Variants in COL5A2 observed in about 807,000 individuals in gnomAD.
COL5A2 encodes the protein collagen type V alpha 2 chain, also known as collagen alpha-2(V) chain.
Under a neutral mutation model 208.2 loss-of-function variants are expected in COL5A2, and 23 were observed. The observed-to-expected ratio is 0.11, with a 90% CI of 0.08 to 0.16. COL5A2 has a LOEUF of 0.16. COL5A2 is among the 10% of genes least tolerant of loss of function. The pLI is 1.00. For synonymous variants in COL5A2, 625 were observed against 628.5 expected (o/e 0.99, Z 0.08); for missense variants, 1,590 against 1,956.4 (o/e 0.81, Z 3.53).
At chr2:189,090,169 A>G (rs1370816123) in intron 7 of COL5A2, among the ~76,000 whole-genome samples, 1 of 152,230 alleles carries the variant, frequency 6.6e-6, no homozygotes, top group Non-Finnish European at 1.5e-5. Flanking sequence ...CACAAATAAT[A>G]AGAAAGTAAA....
the COL5A2 span, among the ~76,000 whole-genome samples, chr2:189,375,481 T>C: frequency 4.6e-5 from 7 of 152,226 alleles, no homozygotes; most frequent in Admixed American, 6.5e-5. Context: ...ATGGGGACAA[T>C]GGCTGCTTCT....
chr2:189,151,212 G>A (rs533040818), intron 1 of COL5A2, among the ~76,000 whole-genome samples: 67 of 152,164 alleles, frequency 4.4e-4, no homozygotes, highest in Admixed American at 1.4e-3. Flanking sequence ...ATGAACTCAT[G>A]CCCTTCACCC....
At chr2:189,322,473 C>G in the COL5A2 span, among the ~76,000 whole-genome samples, 2 of 151,900 alleles carry the variant, frequency 1.3e-5, no homozygotes, top group Non-Finnish European at 2.9e-5. Context: ...CAAACAGACG[C>G]AATAAAAATG....
At chr2:189,423,113 C>T in the COL5A2 span, among the ~76,000 whole-genome samples, 1 of 149,202 alleles carries the variant, frequency 6.7e-6, no homozygotes, top group African/African-American at 2.5e-5. Context: ...GGGTCAATGA[C>T]AAAATTAAAA....
chr2:189,148,312 T>C (rs1375339237), intron 1 of COL5A2, among the ~76,000 whole-genome samples: 1 of 152,068 alleles, frequency 6.6e-6, no homozygotes, highest in East Asian at 1.9e-4. Flanking sequence ...AGTCATAATA[T>C]GGGCAGGTTA....
chr2:189,323,981 C>T, the COL5A2 span, among the ~76,000 whole-genome samples: 130 of 152,288 alleles, frequency 8.5e-4, no homozygotes, highest in Admixed American at 4.3e-3. Context: ...GAGATACAGA[C>T]CAGTGGAACA....
the COL5A2 span, among the ~76,000 whole-genome samples, chr2:189,337,785 T>C: frequency 6.7e-6 from 1 of 148,860 alleles, no homozygotes; most frequent in African/African-American, 2.5e-5. Context: ...AGCCAACAGA[T>C]CCTGCCAATA....
the COL5A2 span, among the ~76,000 whole-genome samples, chr2:189,398,919 AT>A: frequency 1.3e-5 from 2 of 152,186 alleles, no homozygotes; most frequent in African/African-American, 2.4e-5. Flanking sequence ...AGCAATCTTA[AT>A]TTTTTTAAGT....
chr2:189,066,828 A>G lies in COL5A2; in HGVS notation c.1402-46T>C, dbSNP rs137868678. On this transcript the variant is annotated intron_variant, in intron 21 of 53. Transcript: ENST00000374866. ...TTTGTAAGAACCAGGACATTTAGCT[A>G]GTCCAATCTGCTCAAATTAGTTACA... 6.0e-3 allele frequency: 8,536 copies of G among 1,424,256 alleles called. 39 individuals are homozygous for G. The highest frequency in any genetic ancestry group is 7.4e-3 in the Non-Finnish European group (7,431 of 1,007,012). The allele number at this position is 1,424,256 out of a possible 1,614,324, so 88.2% of individuals were successfully genotyped here.
At chr2:189,074,328 C>T (rs146631023) in intron 17 of COL5A2, among the ~76,000 whole-genome samples, 1 of 152,092 alleles carries the variant, frequency 6.6e-6, no homozygotes, top group Non-Finnish European at 1.5e-5. Context: ...TTCAGATTTT[C>T]ATCTTCAAGC....
the COL5A2 span, among the ~76,000 whole-genome samples, chr2:189,294,072 A>G: frequency 1.4e-5 from 2 of 146,014 alleles, no homozygotes; most frequent in Non-Finnish European, 3.0e-5. Flanking sequence ...TGGGCGACAG[A>G]GCGAGACTCC....
intron 1 of COL5A2, among the ~76,000 whole-genome samples, chr2:189,162,633 T>C (rs527992110): frequency 1.3e-5 from 2 of 152,322 alleles, no homozygotes; most frequent in Admixed American, 6.5e-5. Flanking sequence ...ATCCCTGATT[T>C]AAACATACAT....
the COL5A2 span, among the ~76,000 whole-genome samples, chr2:189,297,353 ACT>A: frequency 1.3e-5 from 2 of 152,080 alleles, no homozygotes; most frequent in African/African-American, 2.4e-5. Flanking sequence ...ATTTTTTAAA[ACT>A]CTAAAATGAG....
chr2:189,378,965 T>C, the COL5A2 span, among the ~76,000 whole-genome samples: 8 of 152,182 alleles, frequency 5.3e-5, no homozygotes, highest in South Asian at 1.7e-3. Context: ...TCAGTGAAGA[T>C]GATTATACAT....
chr2:189,268,382 T>A, the COL5A2 span, among the ~76,000 whole-genome samples: 1 of 152,160 alleles, frequency 6.6e-6, no homozygotes, highest in Non-Finnish European at 1.5e-5. Context: ...GTGGCAGAAG[T>A]TTAAATTGTT....
chr2:189,165,502 G>C (rs887641017), intron 1 of COL5A2, among the ~76,000 whole-genome samples: 1 of 152,114 alleles, frequency 6.6e-6, no homozygotes, highest in Non-Finnish European at 1.5e-5. Flanking sequence ...TTAGTTATTG[G>C]AGGAAAAGTC....
the COL5A2 span, among the ~76,000 whole-genome samples, chr2:189,400,452 A>G: frequency 6.6e-6 from 1 of 152,262 alleles, no homozygotes; most frequent in Admixed American, 6.5e-5. Context: ...GCTACCCATT[A>G]ACTTTTTTCA....
intron 1 of COL5A2, among the ~76,000 whole-genome samples, chr2:189,192,988 C>T (rs57865785): frequency 1.2e-4 from 18 of 152,284 alleles, no homozygotes; most frequent in South Asian, 1.0e-3. Flanking sequence ...CACAAGAGGA[C>T]GCATTTGGTC....
the COL5A2 span, among the ~76,000 whole-genome samples, chr2:189,279,763 GT>G: frequency 1.3e-5 from 2 of 152,198 alleles, no homozygotes; most frequent in Middle Eastern, 3.4e-3. Flanking sequence ...GAACAAGACA[GT>G]TAGGAAGATA....
Sources: gnomAD v4.1 joint callset for allele counts (sites outside exome capture counted in the v4.1 genomes callset) on GRCh38, gnomAD v4.1.1 for gene constraint, MANE v1.5 for transcripts, NCBI Gene and HGNC (gene_info 2026-07-23, HGNC 2026-07-21) for gene names.